Variants in CTNND2 observed in about 807,000 individuals in gnomAD.
CTNND2 encodes catenin delta-2.
CTNND2 carries 22 observed loss-of-function variants against 144.4 expected under a neutral mutation model. The observed-to-expected ratio is 0.15, with a 90% CI of 0.11 to 0.22. The LOEUF (loss-of-function observed/expected upper bound fraction) is 0.22. CTNND2 is among the 10% of genes least tolerant of loss of function. The pLI, the probability that CTNND2 is intolerant of heterozygous loss-of-function variation, is 1.00. For missense variants in CTNND2, 1,353 were observed against 1,618.8 expected (o/e 0.84, Z 2.82); for synonymous variants, 751 against 695.6 (o/e 1.08, Z -1.25).
At chr5:11,138,511 C>T (rs1756380739) in intron 12 of CTNND2, among the ~76,000 whole-genome samples, 1 of 152,168 alleles carries the variant, frequency 6.6e-6, no homozygotes, top group Non-Finnish European at 1.5e-5. Flanking sequence ...GCAGGAAGGA[C>T]CTGGTAGTGG....
At chr5:11,723,040 A>G (rs1218147283) in intron 2 of CTNND2, among the ~76,000 whole-genome samples, 1 of 152,188 alleles carries the variant, frequency 6.6e-6, no homozygotes, top group African/African-American at 2.4e-5. Flanking sequence ...AAATAATTGG[A>G]TTTTTCTGAG....
At chr5:11,237,052 C>T (rs2149897188) in intron 9 of CTNND2, among the ~76,000 whole-genome samples, 1 of 149,490 alleles carries the variant, frequency 6.7e-6, no homozygotes, top group East Asian at 2.0e-4. Flanking sequence ...CAGAATCTCA[C>T]TCTGTCGCCC....
rs1554059640 is a variant in CTNND2, at chr5:11,443,244, G to GTTTGTGC, written c.288-31176_288-31175insGCACAAA. Among the ~76,000 whole-genome samples, 328 of 124,916 alleles carry GTTTGTGC rather than the reference G, an allele frequency of 2.6e-3. 3 individuals carry two copies. The highest frequency in any genetic ancestry group is 0.012 in the African/African-American group (316 of 27,148). 81.9% of individuals were successfully genotyped at this position (124,916 alleles called of 152,430 possible). On this transcript the variant is annotated intron_variant, in intron 3 of 21. Coordinates refer to ENST00000304623, the MANE Select transcript of CTNND2 (RefSeq NM_001332.4). ...GTGTGTATGTGTGTGTGATGTGTGT[G>GTTTGTGC]TGTGTGTGCTGTGTGTGGTGTGTGT...
At chr5:11,555,735 G>T (rs909162837) in intron 3 of CTNND2, among the ~76,000 whole-genome samples, 6 of 151,984 alleles carry the variant, frequency 3.9e-5, no homozygotes, top group Non-Finnish European at 7.4e-5. Flanking sequence ...TAATGTGAAA[G>T]AATAAAGGGG....
intron 18 of CTNND2, among the ~76,000 whole-genome samples, chr5:11,007,628 G>C (rs1740626359): frequency 6.6e-6 from 1 of 152,218 alleles, no homozygotes; most frequent in Non-Finnish European, 1.5e-5. Context: ...CATCGAACTG[G>C]CTGGCCTCCC....
intron 1 of CTNND2, among the ~76,000 whole-genome samples, chr5:11,764,389 G>C (rs185827848): frequency 6.6e-6 from 1 of 152,266 alleles, no homozygotes; most frequent in East Asian, 1.9e-4. Context: ...TGTTACAGCA[G>C]CCGCAATTTC....
intron 16 of CTNND2, among the ~76,000 whole-genome samples, chr5:11,042,533 A>G (rs1744785685): frequency 6.6e-6 from 1 of 152,236 alleles, no homozygotes; most frequent in African/African-American, 2.4e-5. Flanking sequence ...ATGGTTCTCA[A>G]ACAGAGGAAG....
chr5:11,655,407 T>C (rs1298500159), intron 2 of CTNND2, among the ~76,000 whole-genome samples: 1 of 152,088 alleles, frequency 6.6e-6, no homozygotes, highest in Admixed American at 6.6e-5. Context: ...CACAGCCATA[T>C]ATTTCGTCAA....
chr5:11,783,582 G>C (rs1312640120), intron 1 of CTNND2, among the ~76,000 whole-genome samples: 1 of 152,068 alleles, frequency 6.6e-6, no homozygotes, highest in African/African-American at 2.4e-5. Context: ...GTATAGAGCA[G>C]ATGACATAAC....
chr5:11,732,247 A>T lies in CTNND2; in HGVS notation c.63T>A (p.Pro21=), dbSNP rs375545093. ...PLGAMPVPDQ[P]SSASEKTSSL... Reference sequence around the variant, plus strand: ...AACTCGTCTTCTCTGAGGCTGATGAAGGCTGGTCTGGAACAGGCATAGCTC... The same window carrying T: ...AACTCGTCTTCTCTGAGGCTGATGATGGCTGGTCTGGAACAGGCATAGCTC... Residue 21 remains proline, a synonymous_variant, in exon 2 of 22, where the codon CCT becomes CCA. Transcript: ENST00000304623. 1 of 1,613,772 alleles carries T rather than the reference A, an allele frequency of 6.2e-7. No homozygotes were observed. The highest frequency in any genetic ancestry group is 1.3e-5 in the African/African-American group (1 of 74,908).
intron 1 of CTNND2, among the ~76,000 whole-genome samples, chr5:11,882,984 TTCA>T (rs1391302731): frequency 2.0e-5 from 3 of 152,314 alleles, no homozygotes; most frequent in African/African-American, 7.2e-5. Context: ...TTCAGTTTCT[TTCA>T]TCAATATTTT....
At chr5:11,250,522 T>TACA (rs57261894) in intron 9 of CTNND2, among the ~76,000 whole-genome samples, 1 of 120,958 alleles carries the variant, frequency 8.3e-6, no homozygotes, top group African/African-American at 3.6e-5. Flanking sequence ...TACATATATT[T>TACA]TTTTTTTTTT....
intron 3 of CTNND2, among the ~76,000 whole-genome samples, chr5:11,523,875 G>T (rs1772981508): frequency 6.6e-6 from 1 of 152,244 alleles, no homozygotes; most frequent in East Asian, 1.9e-4. Flanking sequence ...GCGGGTGCAG[G>T]GGGTCTGCAC....
At chr5:11,186,516 C>T (rs570076910) in intron 11 of CTNND2, among the ~76,000 whole-genome samples, 19 of 152,230 alleles carry the variant, frequency 1.2e-4, no homozygotes, top group African/African-American at 2.9e-4. Context: ...AAGTGATAAA[C>T]GGGCCATATA....
intron 3 of CTNND2, among the ~76,000 whole-genome samples, chr5:11,444,799 G>C (rs1581211426): frequency 6.6e-6 from 1 of 152,226 alleles, no homozygotes; most frequent in Admixed American, 6.5e-5. Context: ...GCTGGCCCCT[G>C]GGACCTGTGG....
At chr5:11,570,106 T>C (rs936918250) in intron 2 of CTNND2, among the ~76,000 whole-genome samples, 5 of 152,220 alleles carry the variant, frequency 3.3e-5, no homozygotes, top group African/African-American at 1.2e-4. Context: ...GTTCCTTTGC[T>C]CAGTTGTCTA....
intron 2 of CTNND2, among the ~76,000 whole-genome samples, chr5:11,647,442 C>T (rs1194958761): frequency 6.6e-6 from 1 of 152,010 alleles, no homozygotes; most frequent in East Asian, 1.9e-4. Flanking sequence ...TTATTCCCTA[C>T]CAACCTGTCC....
intron 1 of CTNND2, among the ~76,000 whole-genome samples, chr5:11,813,592 T>C (rs149483640): frequency 6.6e-6 from 1 of 152,340 alleles, no homozygotes; most frequent in African/African-American, 2.4e-5. Context: ...GTGATACATA[T>C]ATCTCATTCT....
intron 7 of CTNND2, among the ~76,000 whole-genome samples, chr5:11,367,766 G>A (rs1448529921): frequency 1.3e-5 from 2 of 152,242 alleles, no homozygotes; most frequent in East Asian, 1.9e-4. Context: ...GACCCTGCAG[G>A]ATGGCAAAGT....
Sources: allele counts gnomAD v4.1 joint callset (sites outside exome capture counted in the v4.1 genomes callset), GRCh38; gene constraint gnomAD v4.1.1; transcripts MANE v1.5; gene names NCBI Gene and HGNC (gene_info 2026-07-23, HGNC 2026-07-21).